The following FAF1 variants were observed in gnomAD, a reference collection of about 807,000 sequenced individuals.
FAF1 encodes the protein Fas associated factor 1.
A neutral mutation model predicts 92.5 loss-of-function variants in FAF1; 25 were observed. That is an observed-to-expected ratio of 0.27 (90% CI 0.20 to 0.38). The LOEUF (loss-of-function observed/expected upper bound fraction) is 0.38, where lower values mean the gene tolerates loss of function less well. FAF1 is among the 10% of genes least tolerant of loss of function. The pLI is 1.00. For missense variants in FAF1, 636 were observed against 793.3 expected (o/e 0.80, Z 2.38); for synonymous variants, 234 against 273.2 (o/e 0.86, Z 1.42).
intron 14 of FAF1, among the ~76,000 whole-genome samples, chr1:50,537,236 T>C (rs1557985879): frequency 6.6e-6 from 1 of 152,194 alleles, no homozygotes; most frequent in Non-Finnish European, 1.5e-5. Context: ...GTTGTATAGG[T>C]TGACTACATA....
chr1:50,814,569 T>C (rs1418548903), intron 2 of FAF1, among the ~76,000 whole-genome samples: 2 of 152,176 alleles, frequency 1.3e-5, no homozygotes, highest in Non-Finnish European at 2.9e-5. Flanking sequence ...TATATTCAAC[T>C]ACATGTATGT....
At chr1:50,743,547 C>T (rs1380215174) in intron 5 of FAF1, among the ~76,000 whole-genome samples, 1 of 151,374 alleles carries the variant, frequency 6.6e-6, no homozygotes, top group Non-Finnish European at 1.5e-5. Flanking sequence ...AGGCTGGTCT[C>T]GAACCCCTGA....
At chr1:50,692,269 G>A (rs1340181574) in intron 7 of FAF1, among the ~76,000 whole-genome samples, 4 of 151,474 alleles carry the variant, frequency 2.6e-5, no homozygotes, top group Non-Finnish European at 5.9e-5. Context: ...GTGTGTGTGT[G>A]TGTGTGTGTG....
chr1:50,795,355 A>G (rs1215320064), intron 3 of FAF1, among the ~76,000 whole-genome samples: 3 of 152,224 alleles, frequency 2.0e-5, no homozygotes, highest in Non-Finnish European at 2.9e-5. Context: ...ACCACCATTC[A>G]TGGACTTTGC....
At chr1:50,441,708 G>C (rs952725908) in intron 18 of FAF1, among the ~76,000 whole-genome samples, 185 bp from the exon 19 acceptor site, 12 of 152,172 alleles carry the variant, frequency 7.9e-5, no homozygotes, top group Non-Finnish European at 1.6e-4. Flanking sequence ...TTATAAATGA[G>C]GAAACCAGGG....
At chr1:50,773,114 A>G (rs190646307) in intron 4 of FAF1, among the ~76,000 whole-genome samples, 1 of 152,178 alleles carries the variant, frequency 6.6e-6, no homozygotes, top group Non-Finnish European at 1.5e-5. Context: ...ACCTACAATT[A>G]AAAAAGGATT....
chr1:50,470,115 C>T (rs1646552689), intron 18 of FAF1, among the ~76,000 whole-genome samples: 1 of 152,072 alleles, frequency 6.6e-6, no homozygotes, highest in South Asian at 2.1e-4. Context: ...GAAAATCAAT[C>T]CCACTGCAAT....
intron 7 of FAF1, among the ~76,000 whole-genome samples, chr1:50,687,194 G>A (rs1005988295): frequency 2.0e-5 from 3 of 151,790 alleles, no homozygotes; most frequent in African/African-American, 4.8e-5. Context: ...TTTCCTTTTC[G>A]GAATAATTTT....
chr1:50,860,478 T>C (rs1174054948), intron 1 of FAF1, among the ~76,000 whole-genome samples: 1 of 151,688 alleles, frequency 6.6e-6, no homozygotes, highest in Admixed American at 6.6e-5. Flanking sequence ...GACGTACACA[T>C]GGCCAACAAA....
intron 8 of FAF1, among the ~76,000 whole-genome samples, chr1:50,646,481 A>C (rs1373564679): frequency 6.6e-6 from 1 of 152,244 alleles, no homozygotes; most frequent in East Asian, 1.9e-4. Context: ...ATTTAAATAA[A>C]TGAATGCAAT....
At chr1:50,464,104 CAT>C (rs927156431) in intron 18 of FAF1, among the ~76,000 whole-genome samples, 12 of 152,192 alleles carry the variant, frequency 7.9e-5, no homozygotes, top group Admixed American at 7.2e-4. Flanking sequence ...TAAAGCCTCA[CAT>C]GTCTTGAATG....
chr1:50,512,391 T>C (rs1647148356), intron 15 of FAF1, among the ~76,000 whole-genome samples: 1 of 152,224 alleles, frequency 6.6e-6, no homozygotes, highest in Admixed American at 6.5e-5. Flanking sequence ...TTTAAGTCTT[T>C]AATCCACCTT....
chr1:50,523,158 TA>T (rs758211313), intron 15 of FAF1, among the ~76,000 whole-genome samples: 3 of 152,234 alleles, frequency 2.0e-5, no homozygotes, highest in Non-Finnish European at 4.4e-5. Flanking sequence ...TTTTATCCAT[TA>T]ATCTGTTGAT....
At chr1:50,765,311 T>C (rs1436943066) in intron 4 of FAF1, among the ~76,000 whole-genome samples, 2 of 152,230 alleles carry the variant, frequency 1.3e-5, no homozygotes, top group African/African-American at 2.4e-5. Context: ...TCATTTGGAA[T>C]AGTGTTTTTA....
chr1:50,655,460 A>G lies in FAF1; in HGVS notation c.726T>C (p.Thr242=). 1 of 1,613,352 alleles carries G rather than the reference A, an allele frequency of 6.2e-7. No individual in the cohort carries two copies. The highest frequency in any genetic ancestry group is 8.5e-7 in the Non-Finnish European group (1 of 1,179,224). The change falls in exon 8 of 19, where the codon ACT becomes ACC. Residue 242 remains threonine (T), a synonymous_variant. Transcript: ENST00000396153. The part of the protein sequence containing the change: ...VRHQLWEGWP[T]SATDDSMCLA... Reference sequence around the variant, plus strand: ...CACTTACTGAGTCGTCTGTAGCAGAAGTTGGCCAGCCCTCCCATAATTGGT... The same window carrying G: ...CACTTACTGAGTCGTCTGTAGCAGAGGTTGGCCAGCCCTCCCATAATTGGT...
At chr1:50,544,919 C>T (rs753042414) in intron 13 of FAF1, among the ~76,000 whole-genome samples, 1 of 151,960 alleles carries the variant, frequency 6.6e-6, no homozygotes, top group Non-Finnish European at 1.5e-5. Flanking sequence ...AAGTATCTAG[C>T]ATATTTGAAA....
At chr1:50,654,790 T>A (rs1655028801) in intron 8 of FAF1, among the ~76,000 whole-genome samples, 1 of 152,142 alleles carries the variant, frequency 6.6e-6, no homozygotes, top group African/African-American at 2.4e-5. Context: ...TATCTGAATA[T>A]ATTCTTCTCA....
intron 8 of FAF1, among the ~76,000 whole-genome samples, chr1:50,634,287 A>C (rs1653917419): frequency 6.6e-6 from 1 of 152,212 alleles, no homozygotes; most frequent in Non-Finnish European, 1.5e-5. Context: ...ACAGTTTATA[A>C]TGCTATCTTC....
At chr1:50,592,837 C>T (rs563331927) in intron 9 of FAF1, among the ~76,000 whole-genome samples, 6 of 151,676 alleles carry the variant, frequency 4.0e-5, no homozygotes, top group Admixed American at 2.0e-4. Context: ...ACTTGGGAGG[C>T]TAAGGCACGA....
Sources: gnomAD v4.1 joint callset for allele counts (sites outside exome capture counted in the v4.1 genomes callset) on GRCh38, gnomAD v4.1.1 for gene constraint, MANE v1.5 for transcripts, NCBI Gene and HGNC (gene_info 2026-07-23, HGNC 2026-07-21) for gene names.